The following SEMA5B variants were observed in gnomAD, a reference collection of about 807,000 sequenced individuals.
SEMA5B encodes semaphorin 5B.
Under a neutral mutation model 135.0 loss-of-function variants are expected in SEMA5B, and 66 were observed. That is an observed-to-expected ratio of 0.49 (90% CI 0.40 to 0.60). SEMA5B has a LOEUF of 0.60. SEMA5B is among the 20% of genes least tolerant of loss of function. The probability of loss-of-function intolerance (pLI) is 0.00; values close to 1 mark genes in which losing one functional copy is unlikely to be tolerated. For missense variants in SEMA5B, 1,501 were observed against 1,566.3 expected (o/e 0.96, Z 0.70); for synonymous variants, 690 against 639.5 (o/e 1.08, Z -1.19).
At chr3:122,930,247 G>T (rs1442894461) in intron 5 of SEMA5B, among the ~76,000 whole-genome samples, 1 of 152,240 alleles carries the variant, frequency 6.6e-6, no homozygotes, top group Non-Finnish European at 1.5e-5. Flanking sequence ...ACCTGCCCTG[G>T]TGATGGCTGC....
intron 12 of SEMA5B, among the ~76,000 whole-genome samples, chr3:122,918,076 C>T (rs769245423): frequency 2.6e-5 from 4 of 152,116 alleles, no homozygotes; most frequent in African/African-American, 4.8e-5. Flanking sequence ...AGGCAGCTTA[C>T]GTGGCATTAT....
intron 1 of SEMA5B, among the ~76,000 whole-genome samples, chr3:123,025,267 A>C (rs964786010): frequency 2.0e-5 from 3 of 151,952 alleles, no homozygotes; most frequent in African/African-American, 7.3e-5. Context: ...GTCCCACCTG[A>C]GTCATCGAGT....
At chr3:122,999,854 A>C (rs960892436) in intron 1 of SEMA5B, among the ~76,000 whole-genome samples, 1 of 152,214 alleles carries the variant, frequency 6.6e-6, no homozygotes, top group Admixed American at 6.5e-5. Flanking sequence ...ACAAACATCC[A>C]CAACAGCTAT....
intron 2 of SEMA5B, among the ~76,000 whole-genome samples, chr3:122,956,545 G>A (rs1051829817): frequency 3.9e-5 from 6 of 152,158 alleles, no homozygotes; most frequent in African/African-American, 4.8e-5. Context: ...CACAGCGACC[G>A]GTGCCCTCTG....
In SEMA5B at chr3:122,910,182, G is replaced by A. The variant is rs191942058; in HGVS notation, c.3417C>T (p.Pro1139=). Reference sequence around the variant, plus strand: ...AGCACCGTTGTCCAGGTGAGGCCTCGGGCCGGAAGCTGTGTTTGTTCAGGG... The same window carrying A: ...AGCACCGTTGTCCAGGTGAGGCCTCAGGCCGGAAGCTGTGTTTGTTCAGGG... The part of the protein sequence containing the change: ...PSPLNKHSFR[P]EASPGQRCFP... Residue 1139 remains proline (P), a synonymous_variant, in exon 23 of 23, where the codon CCC becomes CCT. Transcript: ENST00000357599. The A allele has an allele frequency of 2.7e-5, 44 of 1,614,226 alleles. No homozygotes were observed. The highest frequency in any genetic ancestry group is 1.2e-4 in the Admixed American group (7 of 60,030).
At chr3:123,010,047 C>A (rs895879413) in intron 1 of SEMA5B, among the ~76,000 whole-genome samples, 2 of 152,210 alleles carry the variant, frequency 1.3e-5, no homozygotes, top group Non-Finnish European at 2.9e-5. Context: ...GATGCCCAAG[C>A]TCCTCGCTGG....
rs2276778 is a variant in SEMA5B, at chr3:122,923,743, G to A, written c.1146C>T (p.Ile382=). ...TGAAGGCGCAGACAGCAGAAGCCGC[G>A]ATGCTGTTTCTGAAAGGCAAGAAGT... The part of the protein sequence containing the change: ...YGVFTTNVNS[I]AASAVCAFNL... Residue 382 remains isoleucine, a synonymous_variant, in exon 10 of 23, where the codon ATC becomes ATT. Coordinates refer to ENST00000357599, the MANE Select transcript of SEMA5B (RefSeq NM_001031702.4). 1,006,072 of 1,613,642 alleles carry A rather than the reference G, an allele frequency of 0.62. 326,038 individuals carry two copies. The highest frequency in any genetic ancestry group is 0.67 in the Non-Finnish European group (795,948 of 1,179,766).
At chr3:122,933,537 C>A (rs960329944) in intron 5 of SEMA5B, among the ~76,000 whole-genome samples, 7 of 152,074 alleles carry the variant, frequency 4.6e-5, no homozygotes, top group Non-Finnish European at 7.4e-5. Context: ...TGCCTTAGGA[C>A]GGGTCTTTTT....
In SEMA5B at chr3:122,935,542, C is replaced by T. The variant is rs1276659732; in HGVS notation, c.474+3883G>A. Among the ~76,000 whole-genome samples, 2 of 152,066 alleles carry T rather than the reference C, an allele frequency of 1.3e-5. 1 individual carries two copies. The highest frequency in any genetic ancestry group is 1.3e-4 in the Admixed American group (2 of 15,258). Reference sequence around the variant, plus strand: ...ATTTAGAGAATGTCAATCAATCCTTCCTTTCATCCTTGTACCTCATCCTCA... The same window carrying T: ...ATTTAGAGAATGTCAATCAATCCTTTCTTTCATCCTTGTACCTCATCCTCA... On this transcript the variant is annotated intron_variant, in intron 5 of 22. Coordinates refer to ENST00000357599, the MANE Select transcript of SEMA5B (RefSeq NM_001031702.4).
rs371727436 is a variant in SEMA5B, at chr3:122,926,604, G to A, written c.924C>T (p.His308=). Residue 308 remains histidine (H), a synonymous_variant, in exon 9 of 23, where the codon CAC becomes CAT. Transcript: ENST00000357599. The part of the protein sequence containing the change: ...YFFLRENAVE[H]DCGRTVYSRV... ...GAGAGTACACGGTGCGTCCACAGTCGTGCTCCACTGCGTTCTCCCGCAGGA... is the reference window on the plus strand; with the variant it reads ...GAGAGTACACGGTGCGTCCACAGTCATGCTCCACTGCGTTCTCCCGCAGGA... 1.5e-5 allele frequency: 25 copies of A among 1,614,112 alleles called. No homozygotes were observed. The highest frequency in any genetic ancestry group is 1.6e-4 in the Middle Eastern group (1 of 6,084).
chr3:122,989,946 G>C (rs954101436), intron 1 of SEMA5B, among the ~76,000 whole-genome samples: 24 of 152,240 alleles, frequency 1.6e-4, no homozygotes, highest in Non-Finnish European at 3.2e-4. Context: ...GCTTGTCTGG[G>C]GTGACTAAAG....
At chr3:122,928,222 A>G (rs998666526) in intron 7 of SEMA5B, among the ~76,000 whole-genome samples, 2 of 152,088 alleles carry the variant, frequency 1.3e-5, no homozygotes, top group African/African-American at 4.8e-5. Flanking sequence ...CCCAGTCAGG[A>G]CCCTCCAAGG....
chr3:123,020,586 G>A (rs1201109856), intron 1 of SEMA5B, among the ~76,000 whole-genome samples: 1 of 152,182 alleles, frequency 6.6e-6, no homozygotes, highest in African/African-American at 2.4e-5. Flanking sequence ...AGGGTTGAGG[G>A]CTAAGAGGTT....
intron 12 of SEMA5B, among the ~76,000 whole-genome samples, chr3:122,920,000 C>T (rs966899617): frequency 2.0e-5 from 3 of 152,144 alleles, no homozygotes; most frequent in South Asian, 4.1e-4. Context: ...TCCTTCCTCC[C>T]GTCCACTGCA....
intron 2 of SEMA5B, among the ~76,000 whole-genome samples, chr3:122,956,485 A>C (rs1218014632): frequency 6.6e-6 from 1 of 152,202 alleles, no homozygotes; most frequent in African/African-American, 2.4e-5. Flanking sequence ...AGGAGCGCAG[A>C]GAAGTGGGGG....
intron 1 of SEMA5B, among the ~76,000 whole-genome samples, chr3:122,965,646 T>A (rs1264630220): frequency 6.6e-6 from 1 of 152,242 alleles, no homozygotes; most frequent in Non-Finnish European, 1.5e-5. Flanking sequence ...TAAATGAATC[T>A]CTCTGTTTAA....
At chr3:123,022,876 G>A (rs1423068526) in intron 1 of SEMA5B, among the ~76,000 whole-genome samples, 4 of 152,168 alleles carry the variant, frequency 2.6e-5, no homozygotes, top group African/African-American at 9.7e-5. Flanking sequence ...TCGACTCTCA[G>A]CTGGAACTTC....
chr3:122,911,132 C>T, intron 21 of SEMA5B, 87 bp from the exon 22 acceptor site: 1 of 1,240,298 alleles, frequency 8.1e-7, no homozygotes, highest in Non-Finnish European at 1.1e-6. Context: ...GAAACAGCAA[C>T]AGGAGGCTCT....
chr3:122,953,126 C>A (rs1940132140), intron 2 of SEMA5B, among the ~76,000 whole-genome samples: 1 of 152,170 alleles, frequency 6.6e-6, no homozygotes, highest in African/African-American at 2.4e-5. Context: ...ATGCAAATAA[C>A]AGCTTTTTAG....
Sources: gnomAD v4.1 joint callset for allele counts (sites outside exome capture counted in the v4.1 genomes callset) on GRCh38, gnomAD v4.1.1 for gene constraint, MANE v1.5 for transcripts, NCBI Gene and HGNC (gene_info 2026-07-23, HGNC 2026-07-21) for gene names.